LMAN1: variants seen among roughly 807,000 people sequenced by gnomAD.
The protein encoded by LMAN1 is lectin, mannose binding 1, also known as protein ERGIC-53.
LMAN1 carries 32 observed loss-of-function variants against 67.8 expected under a neutral mutation model. The ratio of observed to expected loss-of-function variants is 0.47; its 90% CI spans 0.36 to 0.63. LMAN1 has a LOEUF of 0.63. LMAN1 is among the 30% of genes least tolerant of loss of function. The pLI is 0.00. For synonymous variants in LMAN1, 235 were observed against 219.3 expected (o/e 1.07, Z -0.63); for missense variants, 632 against 628.2 (o/e 1.01, Z -0.06).
Position 59,328,446 on chromosome 18 carries a change from G to C in LMAN1, c.*2647C>G, listed in dbSNP as rs1002725980. Reference sequence around the variant, plus strand: ...GTCTGTAGTTGCTCATGAACCACGCGTTTTAATAAAAGGAACATTAAGTAA... The same window carrying C: ...GTCTGTAGTTGCTCATGAACCACGCCTTTTAATAAAAGGAACATTAAGTAA... On this transcript the variant is annotated 3_prime_UTR_variant, in exon 13 of 13. Coordinates refer to ENST00000251047, the MANE Select transcript of LMAN1 (RefSeq NM_005570.4). 2 of 152,090 alleles carry C rather than the reference G, an allele frequency of 1.3e-5. No individual in the cohort carries two copies. Among genetic ancestry groups the C allele is most frequent in the Non-Finnish European group, 2.9e-5 (2 of 68,004 alleles). The allele number at this position is 152,090 out of a possible 1,614,324, so 9.4% of individuals were successfully genotyped here. A position where few individuals can be genotyped will look rare whatever the true frequency, so the allele number is the denominator to read the frequency against.
Position 59,355,565 on chromosome 18 carries a change from T to C in LMAN1, c.308A>G (p.Asn103Ser). ...TCGAAATGTCACCTCAACTTCCCAG[T>C]TCTCAAAGGCCGCTTTTGTCTTTGT... ...VWTKTKAAFE[N>S]WEVEVTFRVT... The change falls in exon 2 of 13, where the codon AAC becomes AGC. Residue 103 changes from asparagine (N) to serine (S), a missense_variant. Physicochemically the swap from Asn to Ser is conservative, Grantham distance 46. Transcript: ENST00000251047. The C allele has an allele frequency of 6.2e-7, 1 of 1,614,166 alleles. No individual in the cohort carries two copies.
rs1308601803 is a variant in LMAN1 at position 59,333,427 on chromosome 18, T to C, written c.1221-183A>G. ...TGGAAAATAATTTATAAAACGACAT[T>C]ATGCCTTTATATTTTACTAAAGGTC... On this transcript the variant is annotated intron_variant, in intron 10 of 12. Coordinates refer to ENST00000251047, the MANE Select transcript of LMAN1 (RefSeq NM_005570.4). 3 of 561,350 alleles carry C rather than the reference T, an allele frequency of 5.3e-6. No individual in the cohort carries two copies. The East Asian group carries it at 9.1e-5, about 17-fold the overall frequency. 34.8% of individuals were successfully genotyped at this position (561,350 alleles called of 1,614,324 possible). A position where few individuals can be genotyped will look rare whatever the true frequency, so the allele number is the denominator to read the frequency against.
At chr18:59,336,232 G>A (rs1336536480) in intron 10 of LMAN1, among the ~76,000 whole-genome samples, 1 of 152,124 alleles carries the variant, frequency 6.6e-6, no homozygotes, top group African/African-American at 2.4e-5. Context: ...AGTGCCCAAA[G>A]GTTGGTTTTC....
At chr18:59,356,479 A>G (rs1376046347) in intron 1 of LMAN1, among the ~76,000 whole-genome samples, 3 of 152,228 alleles carry the variant, frequency 2.0e-5, no homozygotes, top group African/African-American at 7.2e-5. Flanking sequence ...GGTAATTACT[A>G]AAGGTCTATC....
chr18:59,346,844 C>T (rs1354337806), intron 7 of LMAN1, among the ~76,000 whole-genome samples: 1 of 152,052 alleles, frequency 6.6e-6, no homozygotes, highest in African/African-American at 2.4e-5. Flanking sequence ...ATAATAACCA[C>T]TACCATTTAC....
At chr18:59,350,177 CAT>C (rs1228067007) in intron 5 of LMAN1, among the ~76,000 whole-genome samples, 5 of 152,162 alleles carry the variant, frequency 3.3e-5, no homozygotes, top group Admixed American at 1.3e-4. Context: ...AGAATGGAAA[CAT>C]GTGAACTAAA....
At chr18:59,344,884 C>G (rs569722743) in intron 8 of LMAN1, among the ~76,000 whole-genome samples, 53 of 152,292 alleles carry the variant, frequency 3.5e-4, no homozygotes, top group Admixed American at 2.6e-4. Flanking sequence ...AACTAATCTA[C>G]AGTGATAACA....
intron 1 of LMAN1, among the ~76,000 whole-genome samples, chr18:59,357,691 T>C (rs1908690145): frequency 6.6e-6 from 1 of 152,152 alleles, no homozygotes; most frequent in African/African-American, 2.4e-5. Flanking sequence ...CAATTACACA[T>C]TAATTTGAGA....
At chr18:59,332,016 C>T (rs2070750734) in intron 11 of LMAN1, among the ~76,000 whole-genome samples, 1 of 152,180 alleles carries the variant, frequency 6.6e-6, no homozygotes, top group South Asian at 2.1e-4. Context: ...AATCTCATAT[C>T]ATTCAACATT....
Position 59,354,501 on chromosome 18 carries a change from T to TA in LMAN1, c.539+17dup. 1 of 1,393,040 alleles carries TA rather than the reference T, an allele frequency of 7.2e-7. No homozygotes were observed. The highest frequency in any genetic ancestry group is 1.0e-6 in the Non-Finnish European group (1 of 979,864). The allele number at this position is 1,393,040 out of a possible 1,614,324, so 86.3% of individuals were successfully genotyped here. A position where few individuals can be genotyped will look rare whatever the true frequency, so the allele number is the denominator to read the frequency against. ...AAAGAAGCTGAAATCAGGAGTAATG[T>TA]AAAAAACACACACTTACTTTTGATG... On this transcript the variant is annotated intron_variant, in intron 4 of 12. Coordinates refer to ENST00000251047, the MANE Select transcript of LMAN1 (RefSeq NM_005570.4).
rs189735875 is a variant in LMAN1, at chr18:59,354,975, G to A, written c.477+338C>T. On this transcript the variant is annotated intron_variant, in intron 3 of 12. Coordinates refer to ENST00000251047, the MANE Select transcript of LMAN1 (RefSeq NM_005570.4). ...CATGGACTTGGATGTGCTTATGTAA[G>A]TGTTTAGTAGAGTCTCCTAAACACT... Among the ~76,000 whole-genome samples the A allele has an allele frequency of 2.2e-3, 336 of 152,280 alleles. 2 individuals are homozygous for A. Among genetic ancestry groups the A allele is most frequent in the African/African-American group, 7.5e-3 (312 of 41,562 alleles).
At chr18:59,345,337 A>C (rs1354198353) in intron 8 of LMAN1, among the ~76,000 whole-genome samples, 1 of 152,212 alleles carries the variant, frequency 6.6e-6, no homozygotes, top group Non-Finnish European at 1.5e-5. Flanking sequence ...TGACATTAGC[A>C]CACTCACGTT....
intron 6 of LMAN1, 115 bp downstream of exon 6, chr18:59,348,998 G>T: frequency 8.0e-7 from 1 of 1,251,944 alleles, no homozygotes; most frequent in Non-Finnish European, 1.2e-6. Context: ...TGATGGGAAA[G>T]TTCCAAACAG....
At position 59,349,152 on chromosome 18, in the gene LMAN1, C is replaced by T; in HGVS notation, c.724G>A (p.Gly242Arg). The change falls in exon 6 of 13, where the codon GGG (glycine) becomes AGG (arginine). Residue 242 changes from glycine (G) to arginine (R), a missense_variant. Gly to Arg is a moderately radical substitution (Grantham distance 125). Transcript: ENST00000251047. Reference sequence around the variant, plus strand: ...GTTGCAGCAGATATTCCAAAATGCCCTTGTGCAGGGATAATCATATTTTCC... The same window carrying T: ...GTTGCAGCAGATATTCCAAAATGCCTTTGTGCAGGGATAATCATATTTTCC... ...KVENMIIPAQGHFGISAATGG... is the reference protein window; with the variant it reads ...KVENMIIPAQRHFGISAATGG... 1 of 1,614,102 alleles carries T rather than the reference C, an allele frequency of 6.2e-7. No homozygotes were observed. The highest frequency in any genetic ancestry group is 8.5e-7 in the Non-Finnish European group (1 of 1,179,966).
At chr18:59,331,394 G>T (rs1450103749) in intron 12 of LMAN1, 24 bp downstream of exon 12, 2 of 1,593,766 alleles carry the variant, frequency 1.3e-6, no homozygotes, top group Non-Finnish European at 1.7e-6. Context: ...AAAATATTGG[G>T]TCACATTTTA....
intron 4 of LMAN1, among the ~76,000 whole-genome samples, chr18:59,353,971 G>C (rs1473541772): frequency 6.6e-6 from 1 of 152,090 alleles, no homozygotes; most frequent in African/African-American, 2.4e-5. Context: ...TTTAAAATTT[G>C]TATTCTTGTT....
At chr18:59,358,957 A>T (rs1012204941) in intron 1 of LMAN1, 74 bp downstream of exon 1, 1 of 1,294,940 alleles carries the variant, frequency 7.7e-7, no homozygotes. Context: ...ACACCAGGGT[A>T]GCCGCGGATG....
Position 59,329,945 on chromosome 18 carries a change from G to A in LMAN1, c.*1148C>T, listed in dbSNP as rs1168778819. The A allele has an allele frequency of 1.3e-5, 2 of 152,160 alleles. No homozygotes were observed. The highest frequency in any genetic ancestry group is 2.9e-5 in the Non-Finnish European group (2 of 68,008). The allele number at this position is 152,160 out of a possible 1,614,324, so 9.4% of individuals were successfully genotyped here. A position where few individuals can be genotyped will look rare whatever the true frequency, so the allele number is the denominator to read the frequency against. Reference sequence around the variant, plus strand: ...AAAATGTCATTTACAGACTGTTTCTGTAATACCTAGAAGTATGCACAAAGA... The same window carrying A: ...AAAATGTCATTTACAGACTGTTTCTATAATACCTAGAAGTATGCACAAAGA... On this transcript the variant is annotated 3_prime_UTR_variant, in exon 13 of 13. Transcript: ENST00000251047.
At chr18:59,355,191 T>C (rs1252627394) in intron 3 of LMAN1, 122 bp downstream of exon 3, 5 of 761,864 alleles carry the variant, frequency 6.6e-6, no homozygotes, top group South Asian at 3.0e-5. Flanking sequence ...ACATTTACCA[T>C]ATAGCTTGGG....
Sources: allele counts gnomAD v4.1 joint callset (sites outside exome capture counted in the v4.1 genomes callset), GRCh38; gene constraint gnomAD v4.1.1; transcripts MANE v1.5; gene names NCBI Gene and HGNC (gene_info 2026-07-23, HGNC 2026-07-21).